Variants in CHST9 observed in about 807,000 individuals in gnomAD.
CHST9 encodes carbohydrate sulfotransferase 9.
Under a neutral mutation model 44.4 loss-of-function variants are expected in CHST9, and 41 were observed. The ratio of observed to expected loss-of-function variants is 0.92; its 90% CI spans 0.72 to 1.20. The LOEUF is 1.20. Ranked by LOEUF, CHST9 falls within the 50% of genes most tolerant of loss-of-function variation. The probability of loss-of-function intolerance (pLI) is 0.00; values close to 1 mark genes in which losing one functional copy is unlikely to be tolerated. For synonymous variants in CHST9, 171 were observed against 178.4 expected (o/e 0.96, Z 0.33); for missense variants, 504 against 516.5 (o/e 0.98, Z 0.23).
intron 4 of CHST9, among the ~76,000 whole-genome samples, chr18:26,951,180 A>C (rs1435410362): frequency 6.6e-6 from 1 of 152,198 alleles, no homozygotes; most frequent in African/African-American, 2.4e-5. Flanking sequence ...AAATTTGTAG[A>C]AACAGCCCTA....
chr18:27,144,445 G>C (rs1363447686), intron 1 of CHST9, among the ~76,000 whole-genome samples: 3 of 152,188 alleles, frequency 2.0e-5, no homozygotes, highest in Non-Finnish European at 4.4e-5. Flanking sequence ...TTGGAAGGCT[G>C]AGGCTGGAGG....
At chr18:27,006,142 C>T (rs1030637622) in intron 4 of CHST9, among the ~76,000 whole-genome samples, 10 of 152,218 alleles carry the variant, frequency 6.6e-5, no homozygotes, top group Middle Eastern at 3.4e-3. Context: ...TTAAAACGAT[C>T]GGTATGCCAC....
At chr18:27,082,159 A>G (rs1025296959) in intron 2 of CHST9, among the ~76,000 whole-genome samples, 1 of 152,232 alleles carries the variant, frequency 6.6e-6, no homozygotes, top group East Asian at 1.9e-4. Flanking sequence ...AAGACTCAGG[A>G]CAAAGGACAT....
At chr18:27,013,401 C>A (rs1344496704) in intron 4 of CHST9, among the ~76,000 whole-genome samples, 3 of 152,148 alleles carry the variant, frequency 2.0e-5, no homozygotes, top group African/African-American at 7.2e-5. Context: ...TTTAAATATT[C>A]TTTTATAATT....
intron 4 of CHST9, among the ~76,000 whole-genome samples, chr18:27,005,730 A>G (rs2057008687): frequency 6.6e-6 from 1 of 152,128 alleles, no homozygotes; most frequent in Non-Finnish European, 1.5e-5. Flanking sequence ...GCAAGTCTCC[A>G]GGGGAGGCAT....
intron 2 of CHST9, among the ~76,000 whole-genome samples, chr18:27,109,770 T>A (rs2058254077): frequency 6.7e-6 from 1 of 149,048 alleles, no homozygotes; most frequent in South Asian, 2.1e-4. Flanking sequence ...TCCGACAACT[T>A]TTTTTTTTTA....
intron 4 of CHST9, among the ~76,000 whole-genome samples, chr18:26,979,005 T>TTTAA (rs568093177): frequency 2.3e-3 from 355 of 152,102 alleles, no homozygotes; most frequent in Middle Eastern, 3.4e-3. Flanking sequence ...TTTCCGTTTT[T>TTTAA]TTTATTTATT....
At chr18:27,087,675 T>C (rs1305389550) in intron 2 of CHST9, among the ~76,000 whole-genome samples, 1 of 152,190 alleles carries the variant, frequency 6.6e-6, no homozygotes, top group Non-Finnish European at 1.5e-5. Context: ...TGGAACACTA[T>C]CCCACAATGA....
intron 4 of CHST9, among the ~76,000 whole-genome samples, chr18:26,989,937 G>A (rs2056797066): frequency 6.6e-6 from 1 of 152,042 alleles, no homozygotes; most frequent in Non-Finnish European, 1.5e-5. Context: ...GAGACAGAGT[G>A]AGACTCTGTC....
chr18:26,923,206 G>T (rs534373800), intron 5 of CHST9, among the ~76,000 whole-genome samples: 1 of 152,304 alleles, frequency 6.6e-6, no homozygotes, highest in East Asian at 1.9e-4. Context: ...TAGTGGCAAA[G>T]GCTCCAGCAA....
intron 4 of CHST9, among the ~76,000 whole-genome samples, chr18:26,959,754 T>C (rs1292331755): frequency 6.6e-6 from 1 of 152,194 alleles, no homozygotes; most frequent in Non-Finnish European, 1.5e-5. Context: ...CGGAGGACTC[T>C]AGATACTTAA....
At chr18:27,094,547 A>C (rs2058098797) in intron 2 of CHST9, among the ~76,000 whole-genome samples, 1 of 152,220 alleles carries the variant, frequency 6.6e-6, no homozygotes, top group African/African-American at 2.4e-5. Context: ...TGTTGATAAT[A>C]ATGTGCAGTT....
At chr18:26,964,593 C>T (rs529130408) in intron 4 of CHST9, among the ~76,000 whole-genome samples, 1 of 152,236 alleles carries the variant, frequency 6.6e-6, no homozygotes, top group Non-Finnish European at 1.5e-5. Context: ...TGTATTTGCC[C>T]CCTGGCTTCT....
chr18:26,922,051 T>A (rs1295006408), intron 5 of CHST9, among the ~76,000 whole-genome samples: 1 of 152,228 alleles, frequency 6.6e-6, no homozygotes, highest in African/African-American at 2.4e-5. Flanking sequence ...AACATTTTGT[T>A]TTTTATTTCT....
At chr18:26,921,671 CCATCAT>C (rs141291241) in intron 5 of CHST9, among the ~76,000 whole-genome samples, 7 of 151,464 alleles carry the variant, frequency 4.6e-5, no homozygotes, top group Non-Finnish European at 4.4e-5. Context: ...CAACAAAGTC[CCATCAT>C]CATCATCATC....
chr18:27,010,932 CCA>C (rs1305431392), intron 4 of CHST9, among the ~76,000 whole-genome samples: 1 of 65,428 alleles, frequency 1.5e-5, no homozygotes, highest in Non-Finnish European at 4.1e-5. Flanking sequence ...ACTCAGCAGA[CCA>C]CCAGCCTCTG....
At chr18:26,987,461 A>T (rs578039473) in intron 4 of CHST9, among the ~76,000 whole-genome samples, 1 of 152,212 alleles carries the variant, frequency 6.6e-6, no homozygotes, top group Non-Finnish European at 1.5e-5. Context: ...AACAATAAAC[A>T]TAAAAAACCG....
intron 4 of CHST9, 58 bp from the exon 5 acceptor site, chr18:26,944,424 G>T: frequency 1.7e-6 from 2 of 1,203,126 alleles, no homozygotes; most frequent in Middle Eastern, 1.9e-4. Context: ...ATAAAATGCG[G>T]TACTGATGCT....
At chr18:27,141,135 G>T (rs188385311) in intron 2 of CHST9, among the ~76,000 whole-genome samples, 52 of 152,222 alleles carry the variant, frequency 3.4e-4, no homozygotes, top group African/African-American at 1.2e-3. Flanking sequence ...TAGGCGAGTG[G>T]ATCACGAGGT....
Sources: gnomAD v4.1 joint callset for allele counts (sites outside exome capture counted in the v4.1 genomes callset) on GRCh38, gnomAD v4.1.1 for gene constraint, MANE v1.5 for transcripts, NCBI Gene and HGNC (gene_info 2026-07-23, HGNC 2026-07-21) for gene names.